The following NRG2 variants were observed in gnomAD, a reference collection of about 807,000 sequenced individuals.
The protein encoded by NRG2 is neuregulin 2, also known as pro-neuregulin-2, membrane-bound isoform.
Under a neutral mutation model 73.9 loss-of-function variants are expected in NRG2, and 27 were observed. The observed-to-expected ratio is 0.37, with a 90% CI of 0.27 to 0.50. The LOEUF is 0.50. Among genes scored for constraint, NRG2 ranks in the 20% least tolerant of loss-of-function variants. NRG2 has a pLI of 0.96. For missense variants in NRG2, 1,126 were observed against 1,210.1 expected (o/e 0.93, Z 1.03); for synonymous variants, 532 against 541.0 (o/e 0.98, Z 0.23).
Position 139,851,789 on chromosome 5 carries a change from C to T in NRG2, c.1587G>A (p.Leu529=), listed in dbSNP as rs763571517. The T allele has an allele frequency of 6.2e-7, 1 of 1,614,238 alleles. No homozygotes were observed. Among genetic ancestry groups the T allele is most frequent in the South Asian group, 1.1e-5 (1 of 91,086 alleles). ...TGATCCCCGACTGGGAGTCAGAAGT[C>T]AGGCTCTCAGAACGTTCCAGGCTCC... The part of the protein sequence containing the change: ...HTWSLERSES[L]TSDSQSGIML... Residue 529 remains leucine (L), a synonymous_variant, in exon 9 of 10, where the codon CTG becomes CTA. Coordinates refer to ENST00000361474, the MANE Select transcript of NRG2 (RefSeq NM_004883.3). The surrounding 1 kb of genome is among the most constrained non-coding windows in gnomAD (Gnocchi z 4.2).
At chr5:139,920,873 A>G (rs1751607738) in intron 1 of NRG2, among the ~76,000 whole-genome samples, 1 of 152,262 alleles carries the variant, frequency 6.6e-6, no homozygotes, top group African/African-American at 2.4e-5. Context: ...TCTGTTTCAA[A>G]ATCAAACAAC....
intron 1 of NRG2, among the ~76,000 whole-genome samples, chr5:139,898,307 C>G (rs1156632609): frequency 1.3e-5 from 2 of 152,262 alleles, no homozygotes; most frequent in Non-Finnish European, 2.9e-5. Flanking sequence ...TCCATCTGCA[C>G]CGCAGGCATG....
intron 1 of NRG2, among the ~76,000 whole-genome samples, chr5:139,985,037 T>C (rs868399784): frequency 6.6e-6 from 1 of 151,948 alleles, no homozygotes; most frequent in Non-Finnish European, 1.5e-5. Context: ...GACTTCAGAG[T>C]AGGGGATGGG....
At chr5:139,896,903 C>T (rs1764582550) in intron 1 of NRG2, among the ~76,000 whole-genome samples, 1 of 152,180 alleles carries the variant, frequency 6.6e-6, no homozygotes, top group Non-Finnish European at 1.5e-5. Context: ...TAGAGAAAGG[C>T]CGCCCACCTT....
At chr5:140,041,216 A>G (rs1481608379) in intron 1 of NRG2, among the ~76,000 whole-genome samples, 1 of 152,250 alleles carries the variant, frequency 6.6e-6, no homozygotes, top group Admixed American at 6.5e-5. Context: ...AGTACAGGAC[A>G]TCTATCATAA....
chr5:140,033,222 A>T (rs1761277214), intron 1 of NRG2, among the ~76,000 whole-genome samples: 1 of 152,166 alleles, frequency 6.6e-6, no homozygotes, highest in Non-Finnish European at 1.5e-5. Flanking sequence ...GAAACCCCCA[A>T]ATCAAAGCAG....
chr5:140,002,018 T>C (rs558134765), intron 1 of NRG2, among the ~76,000 whole-genome samples: 11 of 152,016 alleles, frequency 7.2e-5, no homozygotes, highest in Non-Finnish European at 1.6e-4. Context: ...CCCCTGTCTC[T>C]ACAAAAAATA....
At chr5:139,862,748 G>T (rs915705651) in intron 5 of NRG2, among the ~76,000 whole-genome samples, 1 of 152,224 alleles carries the variant, frequency 6.6e-6, no homozygotes, top group African/African-American at 2.4e-5. Context: ...ATGATTGTGT[G>T]TTTGTGCATG....
chr5:139,873,764 C>T (rs1270906073), intron 3 of NRG2, among the ~76,000 whole-genome samples: 3 of 152,226 alleles, frequency 2.0e-5, no homozygotes, highest in South Asian at 2.1e-4. Context: ...TCACCCCAGT[C>T]GAGTGAGCAG....
intron 2 of NRG2, among the ~76,000 whole-genome samples, 200 bp from the exon 3 acceptor site, chr5:139,881,174 C>T (rs944992915): frequency 1.4e-4 from 22 of 152,154 alleles, no homozygotes; most frequent in Non-Finnish European, 3.2e-4. Context: ...GCCTTGGGCC[C>T]TTAGGACAAC....
chr5:139,849,474 C>T (rs1048849680), intron 9 of NRG2, among the ~76,000 whole-genome samples: 5 of 152,166 alleles, frequency 3.3e-5, no homozygotes, highest in Non-Finnish European at 7.4e-5. Flanking sequence ...CATCCCCACA[C>T]CACCAGCTCC....
chr5:139,992,876 T>C (rs958162815), intron 1 of NRG2, among the ~76,000 whole-genome samples: 1 of 152,196 alleles, frequency 6.6e-6, no homozygotes, highest in African/African-American at 2.4e-5. Flanking sequence ...TGTTTTCTCA[T>C]AGTTCGCTCA....
At position 139,851,629 on chromosome 5, in the gene NRG2, G is replaced by A; in HGVS notation, c.1747C>T (p.Leu583Phe). 1 of 1,614,088 alleles carries A rather than the reference G, an allele frequency of 6.2e-7. No individual in the cohort carries two copies. Among genetic ancestry groups the A allele is most frequent in the Non-Finnish European group, 8.5e-7 (1 of 1,180,016 alleles). ...CTCTCGCTGTGTGGGGAGTCGCGAAGGGAGTCCACGGAATCGTGATAGGGT... is the reference window on the plus strand; with the variant it reads ...CTCTCGCTGTGTGGGGAGTCGCGAAAGGAGTCCACGGAATCGTGATAGGGT... ...APPYHDSVDS[L>F]RDSPHSERYV... Residue 583 changes from leucine to phenylalanine, a missense_variant, in exon 9 of 10, where the codon CTT (leucine) becomes TTT (phenylalanine). Leu to Phe is a conservative substitution (Grantham distance 22). Transcript: ENST00000361474. This position sits in a 1 kb window ranked among gnomAD's most constrained non-coding sequence, Gnocchi z 4.2.
chr5:139,855,452 C>T lies in NRG2; in HGVS notation c.1292+224G>A, dbSNP rs572178239. ...AAAGCCTGTGCTCACAACCATTCTT[C>T]GTCAGTGCCCTGGGGCCTGTCTCCC... On this transcript the variant is annotated intron_variant, in intron 6 of 9. Transcript: ENST00000361474. Among the ~76,000 whole-genome samples the T allele has an allele frequency of 1.0e-3, 152 of 152,346 alleles. 2 individuals carry two copies. The highest frequency in any genetic ancestry group is 3.5e-3 in the African/African-American group (146 of 41,578).
rs772416944 is a variant in NRG2 at position 139,904,277 on chromosome 5, C to T, written c.701-16766G>A. The T allele has an allele frequency of 2.8e-5, 44 of 1,580,774 alleles. No individual in the cohort carries two copies. Among genetic ancestry groups the T allele is most frequent in the Non-Finnish European group, 3.8e-5 (44 of 1,172,352 alleles). On this transcript the variant is annotated intron_variant, in intron 1 of 9. Coordinates refer to ENST00000361474, the MANE Select transcript of NRG2 (RefSeq NM_004883.3). The surrounding 1 kb of genome is among the most constrained non-coding windows in gnomAD (Gnocchi z 6.0). ...GGCGGCAGGTTTCTCCCAGGGAAAC[C>T]GGGTTTCTGGGCGCGCGGAGGTGCC...
intron 1 of NRG2, among the ~76,000 whole-genome samples, chr5:139,905,125 A>G (rs1442824589): frequency 6.6e-6 from 1 of 151,184 alleles, no homozygotes; most frequent in African/African-American, 2.4e-5. Flanking sequence ...CCTCCCACAC[A>G]CTCTGGCTGC....
rs1157695549 is a variant in NRG2 at position 139,848,006 on chromosome 5, A to G, written c.2464T>C (p.Tyr822His). Reference protein sequence around the residue: ...LCPAADSRTYYSLDSHSTRAS... With the variant: ...LCPAADSRTYHSLDSHSTRAS... ...CGCGTGCTGTGGCTGTCCAGTGAGT[A>G]GTAAGTCCTGCTGTCGGCCGCCGGG... The change falls in exon 10 of 10, where the codon TAC becomes CAC. Residue 822 changes from tyrosine to histidine, a missense_variant. By Grantham distance (83) the Tyr-to-His change is moderately conservative (BLOSUM62 2). Coordinates refer to ENST00000361474, the MANE Select transcript of NRG2 (RefSeq NM_004883.3). 1.3e-6 allele frequency: 2 copies of G among 1,514,858 alleles called. No individual in the cohort carries two copies. The highest frequency in any genetic ancestry group is 2.7e-5 in the East Asian group (1 of 37,212). 93.8% of individuals were successfully genotyped at this position (1,514,858 alleles called of 1,614,324 possible).
chr5:139,929,351 G>A (rs1052407822), intron 1 of NRG2, among the ~76,000 whole-genome samples: 1 of 152,152 alleles, frequency 6.6e-6, no homozygotes, highest in Non-Finnish European at 1.5e-5. Context: ...ATGACATTAA[G>A]CGTGTTATAC....
intron 1 of NRG2, among the ~76,000 whole-genome samples, chr5:139,950,852 C>T (rs527823188): frequency 1.4e-3 from 211 of 152,302 alleles, no homozygotes; most frequent in Non-Finnish European, 2.3e-3. Context: ...TGATCACTGC[C>T]GCCATTTCAA....
Sources: gnomAD v4.1 joint callset for allele counts (sites outside exome capture counted in the v4.1 genomes callset) on GRCh38, gnomAD v4.1.1 for gene constraint, Gnocchi (gnomAD v3.1) non-coding constraint, MANE v1.5 for transcripts, NCBI Gene and HGNC (gene_info 2026-07-23, HGNC 2026-07-21) for gene names.